MYO18B: variants seen among roughly 807,000 people sequenced by gnomAD.
MYO18B encodes unconventional myosin-XVIIIb.
A neutral mutation model predicts 273.0 loss-of-function variants in MYO18B; 204 were observed. That is an observed-to-expected ratio of 0.75 (90% CI 0.67 to 0.84). MYO18B has a LOEUF of 0.84. Among genes scored for constraint, MYO18B ranks in the 40% least tolerant of loss-of-function variants. The probability of loss-of-function intolerance (pLI) is 0.00; values close to 1 mark genes in which losing one functional copy is unlikely to be tolerated. For synonymous variants in MYO18B, 1,330 were observed against 1,305.7 expected, an observed-to-expected ratio of 1.02 and a Z score of -0.40; for missense variants, 3,212 against 3,287.6, an observed-to-expected ratio of 0.98 and a Z score of 0.56.
intron 34 of MYO18B, among the ~76,000 whole-genome samples, chr22:25,936,416 CA>C (rs1180961834): frequency 6.6e-6 from 1 of 152,136 alleles, no homozygotes; most frequent in Non-Finnish European, 1.5e-5. Context: ...CTTTACTCAG[CA>C]GGTGGTGAAC....
At chr22:25,949,139 G>T (rs138312880) in intron 36 of MYO18B, among the ~76,000 whole-genome samples, 1 of 152,294 alleles carries the variant, frequency 6.6e-6, no homozygotes, top group Non-Finnish European at 1.5e-5. Flanking sequence ...AAGCTTTTCA[G>T]GGGCAAGAGC....
intron 18 of MYO18B, among the ~76,000 whole-genome samples, chr22:25,845,788 C>T (rs1199586807): frequency 1.3e-5 from 2 of 152,128 alleles, no homozygotes; most frequent in Admixed American, 6.5e-5. Context: ...GTACAGGTGT[C>T]GTAGCATTGC....
intron 15 of MYO18B, among the ~76,000 whole-genome samples, chr22:25,832,222 A>C (rs1364425385): frequency 6.6e-6 from 1 of 152,314 alleles, no homozygotes; most frequent in East Asian, 1.9e-4. Flanking sequence ...AAAAAATAGA[A>C]TTCCCATGTG....
At chr22:25,928,324 T>G (rs2092449445) in intron 34 of MYO18B, among the ~76,000 whole-genome samples, 1 of 150,714 alleles carries the variant, frequency 6.6e-6, no homozygotes, top group African/African-American at 2.5e-5. Context: ...TCCTAGCACT[T>G]TGGGAGACAG....
chr22:26,040,942 T>G, the MYO18B span, among the ~76,000 whole-genome samples: 1 of 152,322 alleles, frequency 6.6e-6, no homozygotes, highest in Non-Finnish European at 1.5e-5. Context: ...CATCTCACTT[T>G]GCCCAGGACT....
intron 3 of MYO18B, among the ~76,000 whole-genome samples, chr22:25,765,623 T>G (rs1235707602): frequency 1.3e-5 from 2 of 152,174 alleles, no homozygotes; most frequent in Non-Finnish European, 2.9e-5. Context: ...TACTCATCTG[T>G]AAAAATGTGC....
At chr22:25,821,466 AC>A (rs1476179316) in intron 12 of MYO18B, among the ~76,000 whole-genome samples, 2 of 152,178 alleles carry the variant, frequency 1.3e-5, no homozygotes, top group Non-Finnish European at 2.9e-5. Context: ...TAAGGACGAC[AC>A]TATTATTTGT....
At chr22:25,863,999 A>G (rs944907796) in intron 21 of MYO18B, among the ~76,000 whole-genome samples, 2 of 152,204 alleles carry the variant, frequency 1.3e-5, no homozygotes, top group African/African-American at 4.8e-5. Flanking sequence ...TAGCTGTGCC[A>G]TTGGCCTTCC....
At chr22:25,848,675 T>C (rs1302413406) in intron 20 of MYO18B, among the ~76,000 whole-genome samples, 3 of 152,192 alleles carry the variant, frequency 2.0e-5, no homozygotes, top group Non-Finnish European at 4.4e-5. Context: ...TGTCCCCACA[T>C]TAGCTAATCT....
intron 39 of MYO18B, among the ~76,000 whole-genome samples, chr22:25,970,806 G>A (rs1340829350): frequency 2.1e-5 from 3 of 145,950 alleles, no homozygotes; most frequent in Admixed American, 1.3e-4. Context: ...AAAGCGTCCT[G>A]CTGGAGAGAG....
chr22:25,892,407 G>A (rs2091685646), intron 27 of MYO18B: 1 of 152,204 alleles, frequency 6.6e-6, no homozygotes, highest in Non-Finnish European at 1.5e-5. Context: ...GTTCAGTAGT[G>A]CCAGGAGTTT....
At chr22:26,013,387 C>T (rs969961982) in intron 42 of MYO18B, among the ~76,000 whole-genome samples, 5 of 152,128 alleles carry the variant, frequency 3.3e-5, no homozygotes, top group African/African-American at 1.2e-4. Flanking sequence ...TGAGAAACCA[C>T]AGTCAATAAT....
intron 12 of MYO18B, among the ~76,000 whole-genome samples, chr22:25,818,402 G>A (rs1030827165): frequency 6.6e-6 from 1 of 152,136 alleles, no homozygotes; most frequent in Non-Finnish European, 1.5e-5. Flanking sequence ...AGCCACAGCC[G>A]GGCAGAAATC....
chr22:26,025,184 G>C (rs1035878600), intron 42 of MYO18B, among the ~76,000 whole-genome samples: 1 of 152,276 alleles, frequency 6.6e-6, no homozygotes, highest in East Asian at 1.9e-4. Context: ...CCCTGGGAAA[G>C]ACACTGCTCT....
rs1302422114 is a variant in MYO18B at position 25,890,848 on chromosome 22, G to A, written c.4407G>A (p.Gln1469=). The A allele has an allele frequency of 1.9e-6, 3 of 1,613,862 alleles. No homozygotes were observed. The highest frequency in any genetic ancestry group is 2.5e-6 in the Non-Finnish European group (3 of 1,179,862). ...AGAGTGAGCGGGCAGAGCGGCTACAGGCCTTCCGGGAGGTCCAGGAGCTCA... is the reference window on the plus strand; with the variant it reads ...AGAGTGAGCGGGCAGAGCGGCTACAAGCCTTCCGGGAGGTCCAGGAGCTCA... ...VLESERAERL[Q]AFREVQELKS... Residue 1469 remains glutamine (Q), a synonymous_variant, in exon 26 of 44, where the codon CAG becomes CAA. Transcript: ENST00000335473.
intron 31 of MYO18B, among the ~76,000 whole-genome samples, chr22:25,907,466 A>G (rs2092067527): frequency 6.6e-6 from 1 of 152,210 alleles, no homozygotes; most frequent in Non-Finnish European, 1.5e-5. Context: ...GGAAAGAGAA[A>G]GTAATATTTA....
chr22:25,903,379 G>C lies in MYO18B; in HGVS notation c.4948-252G>C, dbSNP rs9306417. 0.3 allele frequency: 138,540 copies of C among 468,964 alleles called. 22,646 individuals are homozygous for C. Among genetic ancestry groups the C allele is most frequent in the Non-Finnish European group, 0.36 (92,856 of 261,320 alleles). The allele number at this position is 468,964 out of a possible 1,614,324, so 29.1% of individuals were successfully genotyped here. On this transcript the variant is annotated intron_variant, in intron 30 of 43. Coordinates refer to ENST00000335473, the MANE Select transcript of MYO18B (RefSeq NM_032608.7). ...CCCTTCCTGTAGGTGCTCTGAGATC[G>C]AACTCTAGGGACAATTTATTCCAAT... is the stretch of plus-strand genomic sequence containing the variant.
chr22:25,863,783 ACATGG>A (rs766612025), intron 21 of MYO18B, among the ~76,000 whole-genome samples: 1 of 152,184 alleles, frequency 6.6e-6, no homozygotes. Flanking sequence ...CTGCCTGTAC[ACATGG>A]CTTCATGTTC....
intron 34 of MYO18B, among the ~76,000 whole-genome samples, chr22:25,933,306 G>A (rs2092533339): frequency 6.6e-6 from 1 of 152,158 alleles, no homozygotes; most frequent in South Asian, 2.1e-4. Flanking sequence ...CTCAAGCACT[G>A]AGTAATCCTG....
Sources: gnomAD v4.1 joint callset for allele counts (sites outside exome capture counted in the v4.1 genomes callset) on GRCh38, gnomAD v4.1.1 for gene constraint, MANE v1.5 for transcripts, NCBI Gene and HGNC (gene_info 2026-07-23, HGNC 2026-07-21) for gene names.